GTPBP2: variants seen among roughly 807,000 people sequenced by gnomAD.
GTPBP2 encodes the protein GTP-binding protein 2.
Under a neutral mutation model 63.0 loss-of-function variants are expected in GTPBP2, and 32 were observed. The ratio of observed to expected loss-of-function variants is 0.51; its 90% CI spans 0.38 to 0.68. GTPBP2 has a LOEUF of 0.68. Ranked by LOEUF, GTPBP2 falls within the 30% of genes least tolerant of loss-of-function variation. The pLI is 0.00. For synonymous variants in GTPBP2, 310 were observed against 322.6 expected (o/e 0.96, Z 0.42); for missense variants, 492 against 796.9 (o/e 0.62, Z 4.61).
Position 43,625,238 on chromosome 6 carries a change from C to T in GTPBP2, c.705+125G>A, listed in dbSNP as rs1433754655. On this transcript the variant is annotated intron_variant, in intron 5 of 11. Transcript: ENST00000307126. This position sits in a 1 kb window ranked among gnomAD's most constrained non-coding sequence, Gnocchi z 5.1. Reference sequence around the variant, plus strand: ...AAGAGGGGCAGAGCTTGTTCACAGTCCCCTCAGGGCATTCATCTATACTAT... The same window carrying T: ...AAGAGGGGCAGAGCTTGTTCACAGTTCCCTCAGGGCATTCATCTATACTAT... The T allele has an allele frequency of 9.8e-7, 1 of 1,023,690 alleles. No homozygotes were observed. The highest frequency in any genetic ancestry group is 1.6e-5 in the African/African-American group (1 of 62,900). 63.4% of individuals were successfully genotyped at this position (1,023,690 alleles called of 1,614,324 possible).
rs757424185 is a variant in GTPBP2, at chr6:43,626,809, CAAG to C, written c.213+110_213+112del. Reference sequence around the variant, plus strand: ...CGCCACTGCACTCCAGCCTAGGCAACAAGAGCAAAACTTCATCTCAAAAAAAAA... The same window carrying C: ...CGCCACTGCACTCCAGCCTAGGCAACAGCAAAACTTCATCTCAAAAAAAAA... On this transcript the variant is annotated intron_variant, in intron 2 of 11. Coordinates refer to ENST00000307126, the MANE Select transcript of GTPBP2 (RefSeq NM_019096.5). This position sits in a 1 kb window ranked among gnomAD's most constrained non-coding sequence, Gnocchi z 4.0. The C allele has an allele frequency of 6.3e-5, 55 of 870,444 alleles. No homozygotes were observed. In the Middle Eastern group the frequency reaches 1.0e-3, roughly 16 times the overall value. The allele number at this position is 870,444 out of a possible 1,614,324, so 53.9% of individuals were successfully genotyped here. A position where few individuals can be genotyped will look rare whatever the true frequency, so the allele number is the denominator to read the frequency against.
upstream of GTPBP2, among the ~76,000 whole-genome samples, chr6:43,631,123 C>T (rs1769904139): frequency 6.6e-6 from 1 of 152,044 alleles, no homozygotes; most frequent in African/African-American, 2.4e-5. Context: ...CATAATTTCC[C>T]AAAGCAGTGA....
In GTPBP2 at chr6:43,622,194, G is replaced by A; in HGVS notation, c.1468-27C>T. 6.3e-7 allele frequency: 1 copy of A among 1,596,156 alleles called. No homozygotes were observed. The highest frequency in any genetic ancestry group is 8.6e-7 in the Non-Finnish European group (1 of 1,166,850). On this transcript the variant is annotated intron_variant, in intron 10 of 11. Coordinates refer to ENST00000307126, the MANE Select transcript of GTPBP2 (RefSeq NM_019096.5). The surrounding 1 kb of genome is among the most constrained non-coding windows in gnomAD (Gnocchi z 5.4). ...TGGGGAGGAACAGACCCCAGGCCCA[G>A]GAAGGGCAGCTCTAACATCAGACTC...
At chr6:43,623,879 T>C in intron 8 of GTPBP2, 54 bp downstream of exon 8, 2 of 1,613,236 alleles carry the variant, frequency 1.2e-6, no homozygotes, top group Admixed American at 1.7e-5. Flanking sequence ...GGGTTTGGTC[T>C]GAAGCAGCCC....
Position 43,627,479 on chromosome 6 carries a change from T to C in GTPBP2, c.187-531A>G, listed in dbSNP as rs187954337. On this transcript the variant is annotated intron_variant, in intron 1 of 11. Coordinates refer to ENST00000307126, the MANE Select transcript of GTPBP2 (RefSeq NM_019096.5). ...ACTACAAGCCTGATGACCGAGAAGA[T>C]CTAGGTGAGAGAGGAGAAGAGCTCC... is the stretch of plus-strand genomic sequence containing the variant. 6 of 245,440 alleles carry C rather than the reference T, an allele frequency of 2.4e-5. No individual in the cohort carries two copies. In the East Asian group the frequency reaches 1.1e-3, roughly 44 times the overall value. 15.2% of individuals were successfully genotyped at this position (245,440 alleles called of 1,614,324 possible).
In GTPBP2 at chr6:43,624,094, A is replaced by C. The variant is rs766529675; in HGVS notation, c.1101-26T>G. 1.3e-6 allele frequency: 2 copies of C among 1,587,446 alleles called. No individual in the cohort carries two copies. Among genetic ancestry groups the C allele is most frequent in the Non-Finnish European group, 1.7e-6 (2 of 1,163,320 alleles). On this transcript the variant is annotated intron_variant, in intron 7 of 11. Coordinates refer to ENST00000307126, the MANE Select transcript of GTPBP2 (RefSeq NM_019096.5). This position sits in a 1 kb window ranked among gnomAD's most constrained non-coding sequence, Gnocchi z 5.1. ...CTGTAGAGGGAGGCATGGAATGGAC[A>C]GATGAAGACAGTCCAAACAGGAGGC... is the stretch of plus-strand genomic sequence containing the variant.
rs758146666 is a variant in GTPBP2, at chr6:43,626,204, T to C, written c.398+22A>G. Reference sequence around the variant, plus strand: ...CCCCCCAAGTCAGGTAAAGGAGAACTGGTGGGGAAGGGGAAGCATACTTCT... The same window carrying C: ...CCCCCCAAGTCAGGTAAAGGAGAACCGGTGGGGAAGGGGAAGCATACTTCT... On this transcript the variant is annotated intron_variant, in intron 3 of 11. Coordinates refer to ENST00000307126, the MANE Select transcript of GTPBP2 (RefSeq NM_019096.5). This position sits in a 1 kb window ranked among gnomAD's most constrained non-coding sequence, Gnocchi z 4.0. 1 of 1,608,256 alleles carries C rather than the reference T, an allele frequency of 6.2e-7. No homozygotes were observed. The highest frequency in any genetic ancestry group is 1.1e-5 in the South Asian group (1 of 90,888).
chr6:43,622,879 G>A lies in GTPBP2; in HGVS notation c.1296-75C>T. 4.2e-6 allele frequency: 5 copies of A among 1,199,520 alleles called. No individual in the cohort carries two copies. The highest frequency in any genetic ancestry group is 2.8e-5 in the South Asian group (2 of 71,886). The allele number at this position is 1,199,520 out of a possible 1,614,324, so 74.3% of individuals were successfully genotyped here. On this transcript the variant is annotated intron_variant, in intron 9 of 11. Coordinates refer to ENST00000307126, the MANE Select transcript of GTPBP2 (RefSeq NM_019096.5). The surrounding 1 kb of genome is among the most constrained non-coding windows in gnomAD (Gnocchi z 5.4). ...TACTTCTCTATTAGGATCACCCAGA[G>A]CATTCCTTCCCTTCTAGGGTTGAGT...
chr6:43,623,979 T>C lies in GTPBP2; in HGVS notation c.1190A>G (p.Asn397Ser). The change falls in exon 8 of 12, where the codon AAC (asparagine) becomes AGC (serine). Residue 397 changes from asparagine to serine, a missense_variant. Coordinates refer to ENST00000307126, the MANE Select transcript of GTPBP2 (RefSeq NM_019096.5). The part of the protein sequence containing the change: ...VFLNILPPLT[N>S]SKEQEELMQQ... ...CATGAGTTCCTCCTGCTCTTTGCTG[T>C]TGGTGAGTGGCGGCAGAATATTCAG... 4 of 1,614,154 alleles carry C rather than the reference T, an allele frequency of 2.5e-6. No homozygotes were observed. The highest frequency in any genetic ancestry group is 2.5e-6 in the Non-Finnish European group (3 of 1,180,006).
rs760125182 is a variant in GTPBP2 at position 43,622,811 on chromosome 6, C to T, written c.1296-7G>A. 6.2e-7 allele frequency: 1 copy of T among 1,608,202 alleles called. No individual in the cohort carries two copies. Among genetic ancestry groups the T allele is most frequent in the Admixed American group, 1.7e-5 (1 of 59,404 alleles). On this transcript the variant is annotated splice_region_variant and splice_polypyrimidine_tract_variant and intron_variant, in intron 9 of 11. Coordinates refer to ENST00000307126, the MANE Select transcript of GTPBP2 (RefSeq NM_019096.5). This position sits in a 1 kb window ranked among gnomAD's most constrained non-coding sequence, Gnocchi z 5.4. ...CCCCTCACGGCAAATCCCACTGCAG[C>T]CCAGAGGGCAGGTGGCACAGTGTCA...
rs1769352961 is a variant in GTPBP2, at chr6:43,626,495, C to A, written c.214-85G>T. 1 of 1,058,538 alleles carries A rather than the reference C, an allele frequency of 9.4e-7. No homozygotes were observed. Among genetic ancestry groups the A allele is most frequent in the South Asian group, 1.4e-5 (1 of 69,854 alleles). The allele number at this position is 1,058,538 out of a possible 1,614,324, so 65.6% of individuals were successfully genotyped here. ...GTCCCCACCTGTTCTGCTGCAAGGA[C>A]CAGGACTTTCTCTTTCCACTTAAAC... is the stretch of plus-strand genomic sequence containing the variant. On this transcript the variant is annotated intron_variant, in intron 2 of 11. Transcript: ENST00000307126. The surrounding 1 kb of genome is among the most constrained non-coding windows in gnomAD (Gnocchi z 4.0).
rs1769731940 is a variant in GTPBP2, at chr6:43,629,229, A to C, written c.-67T>G. The C allele has an allele frequency of 1.9e-5, 21 of 1,117,854 alleles. No homozygotes were observed. Among genetic ancestry groups the C allele is most frequent in the Non-Finnish European group, 2.4e-5 (21 of 862,308 alleles). 69.2% of individuals were successfully genotyped at this position (1,117,854 alleles called of 1,614,324 possible). Reference sequence around the variant, plus strand: ...CGCCGCCGCCGTCGCCGCCGCCCTTACTGCCACTGCCGTGTCCGGCCGGCC... The same window carrying C: ...CGCCGCCGCCGTCGCCGCCGCCCTTCCTGCCACTGCCGTGTCCGGCCGGCC... On this transcript the variant is annotated 5_prime_UTR_variant, in exon 1 of 12. Coordinates refer to ENST00000307126, the MANE Select transcript of GTPBP2 (RefSeq NM_019096.5).
Position 43,624,935 on chromosome 6 carries a change from T to TATG in GTPBP2, c.830_832dup (p.Ser277dup). The TATG allele has an allele frequency of 6.2e-7, 1 of 1,614,066 alleles. No homozygotes were observed. Among genetic ancestry groups the TATG allele is most frequent in the Non-Finnish European group, 8.5e-7 (1 of 1,180,002 alleles). On this transcript the variant is annotated inframe_insertion, in exon 6 of 12. Coordinates refer to ENST00000307126, the MANE Select transcript of GTPBP2 (RefSeq NM_019096.5). This position sits in a 1 kb window ranked among gnomAD's most constrained non-coding sequence, Gnocchi z 5.1. ...GAGGAGCAGGGCGCAGTCGGGGCAGTATGATGTGAGGCCAAAGATGGTGGT... is the reference window on the plus strand; with the variant it reads ...GAGGAGCAGGGCGCAGTCGGGGCAGTATGATGATGTGAGGCCAAAGATGGTGGT...
Position 43,621,166 on chromosome 6 carries a change from G to C in GTPBP2, c.*448C>G, listed in dbSNP as rs1286950498. 1 of 342,050 alleles carries C rather than the reference G, an allele frequency of 2.9e-6. No individual in the cohort carries two copies. The highest frequency in any genetic ancestry group is 5.8e-6 in the Non-Finnish European group (1 of 171,350). 21.2% of individuals were successfully genotyped at this position (342,050 alleles called of 1,614,324 possible). ...GCAGATAACCTTTTGTCCACAGCCA[G>C]GTAGAGATGGGCAACTTACATGGCC... On this transcript the variant is annotated 3_prime_UTR_variant, in exon 12 of 12. Coordinates refer to ENST00000307126, the MANE Select transcript of GTPBP2 (RefSeq NM_019096.5).
chr6:43,622,499 C>A lies in GTPBP2; in HGVS notation c.1467+134G>T. On this transcript the variant is annotated intron_variant, in intron 10 of 11. Coordinates refer to ENST00000307126, the MANE Select transcript of GTPBP2 (RefSeq NM_019096.5). The surrounding 1 kb of genome is among the most constrained non-coding windows in gnomAD (Gnocchi z 5.4). ...TGTTTTTATAGTCTACGTAGCTAGA[C>A]CAGAAGCTTCTTGGGTCAGAGAGTG... 1.2e-6 allele frequency: 1 copy of A among 849,276 alleles called. No individual in the cohort carries two copies. The highest frequency in any genetic ancestry group is 1.7e-5 in the South Asian group (1 of 60,338). The allele number at this position is 849,276 out of a possible 1,614,324, so 52.6% of individuals were successfully genotyped here.
chr6:43,621,928 G>T, intron 11 of GTPBP2, 75 bp downstream of exon 11: 1 of 1,599,294 alleles, frequency 6.3e-7, no homozygotes, highest in Non-Finnish European at 8.6e-7. Context: ...TGGGATCAAG[G>T]AGTTCTCTGC....
At position 43,625,779 on chromosome 6, in the gene GTPBP2, G is replaced by T; in HGVS notation, c.484C>A (p.Arg162=). 1 of 1,613,500 alleles carries T rather than the reference G, an allele frequency of 6.2e-7. No homozygotes were observed. Among genetic ancestry groups the T allele is most frequent in the Non-Finnish European group, 8.5e-7 (1 of 1,179,476 alleles). The change falls in exon 4 of 12, where the codon CGA becomes AGA. Residue 162 remains arginine, a synonymous_variant. Transcript: ENST00000307126. The surrounding 1 kb of genome is among the most constrained non-coding windows in gnomAD (Gnocchi z 5.1). ...MPRKITEVLV[R]KVPDNQQFLD... ...ACCTGTTGGTTGTCAGGGACCTTTC[G>T]TACTAGCACCTCGGTGATCTTCCGG...
At position 43,624,965 on chromosome 6, in the gene GTPBP2, A is replaced by G. The variant is rs780263461; in HGVS notation, c.803T>C (p.Leu268Pro). ...TGTGAGGCCAAAGATGGTGGTGTGT[A>G]GGTACTTATGGTGGCCTGCCAGGTC... is the stretch of plus-strand genomic sequence containing the variant. ...FIDLAGHHKY[L>P]HTTIFGLTSY... Residue 268 changes from leucine (L) to proline (P), a missense_variant, in exon 6 of 12, where the codon CTA becomes CCA. Around this residue, in one of 2 missense-constraint regions of GTPBP2, gnomAD observed 400 missense variants for 710.8 expected, o/e 0.56. Coordinates refer to ENST00000307126, the MANE Select transcript of GTPBP2 (RefSeq NM_019096.5). The surrounding 1 kb of genome is among the most constrained non-coding windows in gnomAD (Gnocchi z 5.1). The G allele has an allele frequency of 2.5e-6, 4 of 1,614,052 alleles. No homozygotes were observed. The highest frequency in any genetic ancestry group is 3.4e-6 in the Non-Finnish European group (4 of 1,179,962).
At chr6:43,629,454 G>A, upstream of GTPBP2, 1 of 567,770 alleles carries the variant, frequency 1.8e-6, no homozygotes, top group East Asian at 3.1e-5. Flanking sequence ...GAGGCGTGGG[G>A]AAGGAGCGCG....
Sources: gnomAD v4.1 joint callset for allele counts (sites outside exome capture counted in the v4.1 genomes callset) on GRCh38, gnomAD v4.1.1 for gene constraint, gnomAD v4.1.1 regional missense constraint, Gnocchi (gnomAD v3.1) non-coding constraint, MANE v1.5 for transcripts, NCBI Gene and HGNC (gene_info 2026-07-23, HGNC 2026-07-21) for gene names.